PRDM8: variants seen among roughly 807,000 people sequenced by gnomAD.
The protein encoded by PRDM8 is PR domain zinc finger protein 8.
In PRDM8, 13 loss-of-function variants were observed where a neutral mutation model predicts 46.5. That is an observed-to-expected ratio of 0.28 (90% CI 0.18 to 0.44). The LOEUF (loss-of-function observed/expected upper bound fraction) is 0.44. PRDM8 is among the 20% of genes least tolerant of loss of function. The probability of loss-of-function intolerance (pLI) is 1.00; values close to 1 mark genes in which losing one functional copy is unlikely to be tolerated. For synonymous variants in PRDM8, 473 were observed against 438.4 expected (o/e 1.08, Z -0.98); for missense variants, 998 against 955.0 (o/e 1.04, Z -0.59).
rs60061648 is a variant in PRDM8 at position 80,187,244 on chromosome 4, T to TGCGGGGGGG, written c.-983+1727_-983+1728insCGGGGGGGG. ...GTTGCTGTATCAGCATTCTCTGCCCTGGGGCGGGGGGAAGCAGAAGAATAT... is the reference window on the plus strand; with the variant it reads ...GTTGCTGTATCAGCATTCTCTGCCCTGCGGGGGGGGGGGCGGGGGGAAGCAGAAGAATAT... On this transcript the variant is annotated intron_variant, in intron 1 of 9. Coordinates refer to the PRDM8 transcript ENST00000339711. 7.0e-4 allele frequency among the ~76,000 whole-genome samples: 63 copies of TGCGGGGGGG among 89,614 alleles called. 1 individual carries two copies. The highest frequency in any genetic ancestry group is 2.4e-3 in the South Asian group (6 of 2,548). The allele number at this position is 89,614 out of a possible 152,430, so 58.8% of individuals were successfully genotyped here.
chr4:80,202,578 GC>G lies in PRDM8; in HGVS notation c.1118del (p.Pro373ArgfsTer17), dbSNP rs1192685378. 1.3e-6 allele frequency: 2 copies of G among 1,534,192 alleles called. No homozygotes were observed. The highest frequency in any genetic ancestry group is 8.7e-7 in the Non-Finnish European group (1 of 1,146,204). On this transcript the variant is annotated frameshift_variant, in exon 4 of 4. Transcript: ENST00000415738. LOFTEE classifies it high-confidence loss of function. ...GLEENGRLFA[P>X]PSPETGEAKR... The stretch of plus-strand genomic sequence containing the variant: ...TGGAAGAGAACGGCCGCCTCTTCGC[GC>G]CGCCAAGTCCCGAGACGGGCGAGGC...
In PRDM8 at chr4:80,203,035, C is replaced by G. The variant is rs575215294; in HGVS notation, c.1573C>G (p.Pro525Ala). The G allele has an allele frequency of 3.6e-5, 56 of 1,545,852 alleles. 1 individual carries two copies. In the South Asian group the frequency reaches 6.2e-4, roughly 17 times the overall value. Residue 525 changes from proline (P) to alanine (A), a missense_variant, in exon 4 of 4, where the codon CCA (proline) becomes GCA (alanine). Transcript: ENST00000415738. ...VLGQKLGALE[P>A]CHPADGVGPT... ...GGGCCAGAAGCTGGGCGCGCTCGAGCCATGCCACCCCGCCGACGGCGTGGG... is the reference window on the plus strand; with the variant it reads ...GGGCCAGAAGCTGGGCGCGCTCGAGGCATGCCACCCCGCCGACGGCGTGGG...
Position 80,202,812 on chromosome 4 carries a change from G to A in PRDM8, c.1350G>A (p.Glu450=), listed in dbSNP as rs1578265647. The stretch of plus-strand genomic sequence containing the variant: ...GGGGCCCGCTGCCCAGCCGGCTCGA[G>A]GGCGGCAGTCCTGCGAGGGGCAGCG... ...RPGGPLPSRL[E]GGSPARGSAF... The change falls in exon 4 of 4, where the codon GAG becomes GAA. Residue 450 remains glutamate, a synonymous_variant. Coordinates refer to ENST00000415738, the MANE Select transcript of PRDM8 (RefSeq NM_001099403.2). 9.8e-6 allele frequency: 12 copies of A among 1,226,064 alleles called. No individual in the cohort carries two copies. The Admixed American group carries it at 4.8e-4, about 49-fold the overall frequency. 75.9% of individuals were successfully genotyped at this position (1,226,064 alleles called of 1,614,324 possible). A position where few individuals can be genotyped will look rare whatever the true frequency, so the allele number is the denominator to read the frequency against.
chr4:80,187,223 C>T (rs982405410), intron 1 of PRDM8, among the ~76,000 whole-genome samples: 1 of 139,178 alleles, frequency 7.2e-6, no homozygotes, highest in Admixed American at 7.5e-5. Flanking sequence ...CAGGTTGTTG[C>T]TGTATCAGCA....
chr4:80,203,413 G>C lies in PRDM8; in HGVS notation c.1951G>C (p.Glu651Gln), dbSNP rs567872310. The change falls in exon 4 of 4, where the codon GAG (glutamate) becomes CAG (glutamine). Residue 651 changes from glutamate (E) to glutamine (Q), a missense_variant. Coordinates refer to ENST00000415738, the MANE Select transcript of PRDM8 (RefSeq NM_001099403.2). ...CCATATGAGGTCGCACCACAAAAAG[G>C]AGTATGCGATGGAGCCCTTGGTGAA... ...VYHMRSHHKK[E>Q]YAMEPLVKRR... 2.5e-6 allele frequency: 4 copies of C among 1,613,854 alleles called. No individual in the cohort carries two copies. Among genetic ancestry groups the C allele is most frequent in the Non-Finnish European group, 3.4e-6 (4 of 1,179,966 alleles).
intron 1 of PRDM8, chr4:80,190,212 G>C (rs1459976434): frequency 6.6e-6 from 1 of 152,294 alleles, no homozygotes; most frequent in East Asian, 1.9e-4. Context: ...TTAGGTTCCC[G>C]CAGGCCCCGC....
chr4:80,189,425 T>TG (rs976008964), intron 1 of PRDM8, among the ~76,000 whole-genome samples: 1 of 97,902 alleles, frequency 1.0e-5, no homozygotes. Flanking sequence ...AAACCTGGGG[T>TG]GGGGGTGGGA....
Position 80,203,535 on chromosome 4 carries a change from C to T in PRDM8, c.*3C>T. ...GGCACATGACCTCGCATAATTGACT[C>T]GGAAAGGACCCCAGCTTTCCACGCG... is the stretch of plus-strand genomic sequence containing the variant. On this transcript the variant is annotated 3_prime_UTR_variant, in exon 4 of 4. Coordinates refer to ENST00000415738, the MANE Select transcript of PRDM8 (RefSeq NM_001099403.2). 1 of 1,603,744 alleles carries T rather than the reference C, an allele frequency of 6.2e-7. No homozygotes were observed.
chr4:80,193,524 C>T (rs1262608637), upstream of PRDM8, among the ~76,000 whole-genome samples: 1 of 152,188 alleles, frequency 6.6e-6, no homozygotes, highest in Non-Finnish European at 1.5e-5. Flanking sequence ...ATTTTTGGCA[C>T]AGGCCTGGTG....
upstream of PRDM8, among the ~76,000 whole-genome samples, chr4:80,194,881 G>A (rs1317006428): frequency 1.3e-5 from 2 of 152,130 alleles, no homozygotes; most frequent in Non-Finnish European, 2.9e-5. Context: ...AAAAGGTCAA[G>A]CTGTTCCACC....
upstream of PRDM8, chr4:80,194,094 T>C (rs1737764599): frequency 3.5e-6 from 1 of 286,056 alleles, no homozygotes; most frequent in Non-Finnish European, 5.2e-6. Context: ...TCTTACCCTT[T>C]CTCCACCCTC....
In PRDM8 at chr4:80,202,111, C is replaced by A. The variant is rs924492913; in HGVS notation, c.649C>A (p.Gln217Lys). The A allele has an allele frequency of 3.1e-6, 5 of 1,605,366 alleles. No individual in the cohort carries two copies. In the African/African-American group the frequency reaches 5.5e-5, roughly 18 times the overall value. Residue 217 changes from glutamine (Q) to lysine (K), a missense_variant, in exon 4 of 4, where the codon CAG (glutamine) becomes AAG (lysine). Gln to Lys is a moderately conservative substitution (Grantham distance 53, BLOSUM62 1). Coordinates refer to ENST00000415738, the MANE Select transcript of PRDM8 (RefSeq NM_001099403.2). ...GGGKDQQQQQ[Q>K]EAPLGPGPKF... Reference sequence around the variant, plus strand: ...TGGCAAAGACCAGCAGCAGCAGCAGCAGGAGGCACCTTTAGGCCCGGGTCC... The same window carrying A: ...TGGCAAAGACCAGCAGCAGCAGCAGAAGGAGGCACCTTTAGGCCCGGGTCC...
Position 80,187,554 on chromosome 4 carries a change from G to A in PRDM8, c.-983+2036G>A, listed in dbSNP as rs368906874. The stretch of plus-strand genomic sequence containing the variant: ...GCTCCAAATTGAATTTCCAAGGTTT[G>A]GGGGATATACAGAGTCCAACCCTAT... On this transcript the variant is annotated intron_variant, in intron 1 of 9. Transcript: ENST00000339711. Among the ~76,000 whole-genome samples the A allele has an allele frequency of 1.8e-4, 27 of 152,230 alleles. No individual in the cohort carries two copies. The East Asian group carries it at 5.2e-3, about 29-fold the overall frequency.
chr4:80,195,182 T>C (rs1224387803), upstream of PRDM8, among the ~76,000 whole-genome samples: 2 of 152,152 alleles, frequency 1.3e-5, no homozygotes, highest in African/African-American at 2.4e-5. Context: ...TTAAGGAGTG[T>C]TCTGTTAGAC....
chr4:80,201,172 C>A, intron 2 of PRDM8, 118 bp from the exon 3 acceptor site: 1 of 995,912 alleles, frequency 1.0e-6, no homozygotes, highest in Non-Finnish European at 1.5e-6. Context: ...TGGTCTCAGA[C>A]AATTTTTGGA....
At position 80,201,923 on chromosome 4, in the gene PRDM8, C is replaced by G; in HGVS notation, c.461C>G (p.Pro154Arg). The G allele has an allele frequency of 6.2e-6, 10 of 1,613,842 alleles. No homozygotes were observed. Among genetic ancestry groups the G allele is most frequent in the Non-Finnish European group, 8.5e-6 (10 of 1,179,976 alleles). ...RSHNKMNGSSPYTCLECSQRF... is the reference protein window; with the variant it reads ...RSHNKMNGSSRYTCLECSQRF... ...TTTGCTCACTAAGCAGGGTCGTCCC[C>G]TTACACATGCCTGGAATGCAGCCAA... is the stretch of plus-strand genomic sequence containing the variant. Residue 154 changes from proline (P) to arginine (R), a missense_variant, in exon 4 of 4, where the codon CCT becomes CGT. Coordinates refer to ENST00000415738, the MANE Select transcript of PRDM8 (RefSeq NM_001099403.2).
Position 80,202,727 on chromosome 4 carries a change from C to G in PRDM8, c.1265C>G (p.Ser422Cys). The G allele has an allele frequency of 7.7e-7, 1 of 1,302,196 alleles. No individual in the cohort carries two copies. Among genetic ancestry groups the G allele is most frequent in the African/African-American group, 1.6e-5 (1 of 64,440 alleles). The allele number at this position is 1,302,196 out of a possible 1,614,324, so 80.7% of individuals were successfully genotyped here. Reference protein sequence around the residue: ...EDQDAGGGGGSSTPAAASPVG... With the variant: ...EDQDAGGGGGCSTPAAASPVG... ...CAGGACGCTGGCGGCGGCGGCGGCT[C>G]CTCCACGCCCGCGGCCGCGTCACCG... Residue 422 changes from serine (S) to cysteine (C), a missense_variant, in exon 4 of 4, where the codon TCC (serine) becomes TGC (cysteine). Ser to Cys is a moderately radical substitution (Grantham distance 112). Coordinates refer to ENST00000415738, the MANE Select transcript of PRDM8 (RefSeq NM_001099403.2).
At position 80,203,077 on chromosome 4, in the gene PRDM8, C is replaced by T. The variant is rs755993425; in HGVS notation, c.1615C>T (p.Pro539Ser). ...ADGVGPTRLY[P>S]AAADPLAVKL... ...CGGCGTGGGCCCCACCAGACTCTAT[C>T]CCGCCGCCGCGGACCCTCTAGCGGT... Residue 539 changes from proline (P) to serine (S), a missense_variant, in exon 4 of 4, where the codon CCC (proline) becomes TCC (serine). Coordinates refer to ENST00000415738, the MANE Select transcript of PRDM8 (RefSeq NM_001099403.2). 2.0e-5 allele frequency: 32 copies of T among 1,568,032 alleles called. No homozygotes were observed. The highest frequency in any genetic ancestry group is 2.6e-5 in the Non-Finnish European group (30 of 1,166,182).
chr4:80,195,323 G>A (rs1004342096), upstream of PRDM8, among the ~76,000 whole-genome samples: 1 of 152,062 alleles, frequency 6.6e-6, no homozygotes, highest in Non-Finnish European at 1.5e-5. Flanking sequence ...GTTTACACCC[G>A]TGCCTCTTCT....
Sources: gnomAD v4.1 joint callset for allele counts (sites outside exome capture counted in the v4.1 genomes callset) on GRCh38, gnomAD v4.1.1 for gene constraint, MANE v1.5 for transcripts, NCBI Gene and HGNC (gene_info 2026-07-23, HGNC 2026-07-21) for gene names.